Variants in RNF213 observed in about 807,000 individuals in gnomAD.
The protein encoded by RNF213 is E3 ubiquitin-protein ligase RNF213.
In RNF213, 341 loss-of-function variants were observed where a neutral mutation model predicts 514.4. The ratio of observed to expected loss-of-function variants is 0.66; its 90% CI spans 0.61 to 0.73. The LOEUF (loss-of-function observed/expected upper bound fraction) is 0.73, where lower values mean the gene tolerates loss of function less well. RNF213 is among the 30% of genes least tolerant of loss of function. The probability of loss-of-function intolerance (pLI) is 0.00; values close to 1 mark genes in which losing one functional copy is unlikely to be tolerated. For synonymous variants in RNF213, 2,655 were observed against 2,658.2 expected (o/e 1.00, Z 0.04); for missense variants, 5,767 against 6,615.6 (o/e 0.87, Z 4.45).
chr17:80,346,138 G>C lies in RNF213; in HGVS notation c.7803G>C (p.Leu2601=), dbSNP rs1455551728. 6.2e-7 allele frequency: 1 copy of C among 1,614,160 alleles called. No individual in the cohort carries two copies. The highest frequency in any genetic ancestry group is 8.5e-7 in the Non-Finnish European group (1 of 1,180,042). ...KLYIQQIVQR[L]VESISLDENG... is the part of the protein sequence containing the mutation. ...ACATCCAGCAGATTGTCCAGAGACT[G>C]GTTGAGTCCATCAGCCTAGATGAAA... is the stretch of plus-strand genomic sequence containing the variant. The change falls in exon 29 of 68, where the codon CTG becomes CTC. Residue 2601 remains leucine, a synonymous_variant. Coordinates refer to ENST00000582970, the MANE Select transcript of RNF213 (RefSeq NM_001256071.3). This position sits in a 1 kb window ranked among gnomAD's most constrained non-coding sequence, Gnocchi z 8.1.
chr17:80,319,608 T>G, intron 17 of RNF213: 1 of 1,548,246 alleles, frequency 6.5e-7, no homozygotes, highest in Non-Finnish European at 8.7e-7. Flanking sequence ...GTTCCTCAGA[T>G]GGCCCTGTCA....
chr17:80,347,765 C>A lies in RNF213; in HGVS notation c.9430C>A (p.Pro3144Thr). The A allele has an allele frequency of 6.2e-7, 1 of 1,614,170 alleles. No individual in the cohort carries two copies. The highest frequency in any genetic ancestry group is 8.5e-7 in the Non-Finnish European group (1 of 1,180,038). Residue 3144 changes from proline to threonine, a missense_variant, in exon 29 of 68, where the codon CCC becomes ACC. Around this residue, in one of 13 missense-constraint regions of RNF213, gnomAD observed 919 missense variants for 1,121.0 expected, o/e 0.82. Coordinates refer to ENST00000582970, the MANE Select transcript of RNF213 (RefSeq NM_001256071.3). This position sits in a 1 kb window ranked among gnomAD's most constrained non-coding sequence, Gnocchi z 7.2. The part of the protein sequence containing the change: ...GTHRVKCRVH[P>T]NFRLIVIEEK... ...CCACCGCGTCAAATGTCGGGTTCACCCCAACTTCCGCCTGATTGTCATTGA... is the reference window on the plus strand; with the variant it reads ...CCACCGCGTCAAATGTCGGGTTCACACCAACTTCCGCCTGATTGTCATTGA...
chr17:80,325,763 CGT>C (rs1330393386), intron 18 of RNF213, among the ~76,000 whole-genome samples: 5 of 151,710 alleles, frequency 3.3e-5, no homozygotes, highest in Non-Finnish European at 5.9e-5. Flanking sequence ...GTCCAGTTGG[CGT>C]GTGAGACCTT....
At chr17:80,285,005 C>T (rs2044422492) in intron 3 of RNF213, among the ~76,000 whole-genome samples, 1 of 152,212 alleles carries the variant, frequency 6.6e-6, no homozygotes, top group Admixed American at 6.5e-5. Flanking sequence ...GTTACTCAAA[C>T]CATGCAGCCG....
At position 80,275,672 on chromosome 17, in the gene RNF213, T is replaced by G. The variant is rs377581990; in HGVS notation, c.261+2268T>G. Among the ~76,000 whole-genome samples the G allele has an allele frequency of 2.0e-5, 3 of 151,942 alleles. 1 individual carries two copies. The highest frequency in any genetic ancestry group is 7.2e-5 in the African/African-American group (3 of 41,444). On this transcript the variant is annotated intron_variant, in intron 3 of 67. Coordinates refer to ENST00000582970, the MANE Select transcript of RNF213 (RefSeq NM_001256071.3). ...TTATTTTTTCTTTATTTTATTTTATTTTTTTTTGAGATGGAGTCTCACTCC... is the reference window on the plus strand; with the variant it reads ...TTATTTTTTCTTTATTTTATTTTATGTTTTTTTGAGATGGAGTCTCACTCC...
In RNF213 at chr17:80,263,521, G is replaced by A; in HGVS notation, c.-108-53G>A. Reference sequence around the variant, plus strand: ...GCTGGGCTTGGGCTGTGCTCCTGTTGGGTTTCCATTAACCAGGGGACCAGC... The same window carrying A: ...GCTGGGCTTGGGCTGTGCTCCTGTTAGGTTTCCATTAACCAGGGGACCAGC... On this transcript the variant is annotated intron_variant, in intron 1 of 67. Coordinates refer to ENST00000582970, the MANE Select transcript of RNF213 (RefSeq NM_001256071.3). The surrounding 1 kb of genome is among the most constrained non-coding windows in gnomAD (Gnocchi z 4.9). The A allele has an allele frequency of 1.5e-6, 1 of 682,812 alleles. No individual in the cohort carries two copies. Among genetic ancestry groups the A allele is most frequent in the Admixed American group, 2.1e-5 (1 of 47,770 alleles). The allele number at this position is 682,812 out of a possible 1,614,324, so 42.3% of individuals were successfully genotyped here. A position where few individuals can be genotyped will look rare whatever the true frequency, so the allele number is the denominator to read the frequency against.
chr17:80,269,938 C>T (rs1283686170), intron 2 of RNF213, among the ~76,000 whole-genome samples: 1 of 152,224 alleles, frequency 6.6e-6, no homozygotes, highest in Non-Finnish European at 1.5e-5. Context: ...CAGCTACTTA[C>T]TTTTATGACA....
At chr17:80,385,859 T>G (rs1047813529) in intron 61 of RNF213, among the ~76,000 whole-genome samples, 3 of 151,968 alleles carry the variant, frequency 2.0e-5, no homozygotes, top group African/African-American at 7.3e-5. Flanking sequence ...AGAGACAGGG[T>G]TTCACCATGT....
At position 80,315,234 on chromosome 17, in the gene RNF213, C is replaced by A. The variant is rs374751421; in HGVS notation, c.2812-1954C>A. Among the ~76,000 whole-genome samples, 21 of 17,290 alleles carry A rather than the reference C, an allele frequency of 1.2e-3. 2 individuals are homozygous for A. Among genetic ancestry groups the A allele is most frequent in the African/African-American group, 9.5e-3 (15 of 1,572 alleles). 11.3% of individuals were successfully genotyped at this position (17,290 alleles called of 152,430 possible). ...GATGGTGGTGGTGGTGGTGGAGGTA[C>A]TGGAGGTGATGGTGGTGGACGTGAT... On this transcript the variant is annotated intron_variant, in intron 15 of 67. Coordinates refer to ENST00000582970, the MANE Select transcript of RNF213 (RefSeq NM_001256071.3).
chr17:80,294,991 C>T lies in RNF213; in HGVS notation c.1743C>T (p.Tyr581=). The T allele has an allele frequency of 6.2e-7, 1 of 1,614,188 alleles. No homozygotes were observed. Among genetic ancestry groups the T allele is most frequent in the East Asian group, 2.2e-5 (1 of 44,888 alleles). ...CACAGCTGTGGACCGATTTGCAGTA[C>T]AGGGAGAAAGAGGTATCAGGCTTGC... is the stretch of plus-strand genomic sequence containing the variant. ...GQAQLWTDLQ[Y]REKEVKRYLW... Residue 581 remains tyrosine (Y), a synonymous_variant, in exon 9 of 68, where the codon TAC becomes TAT. Transcript: ENST00000582970.
rs373491433 is a variant in RNF213, at chr17:80,311,737, G to A, written c.2656-1275G>A. On this transcript the variant is annotated intron_variant, in intron 14 of 67. Transcript: ENST00000582970. ...TCCTCTTGCCCAGCTGCCTCGAGGC[G>A]TGGGCCTCTCGGTGCTTCCAGTGAG... Among the ~76,000 whole-genome samples, 19 of 152,294 alleles carry A rather than the reference G, an allele frequency of 1.2e-4. No homozygotes were observed. In the East Asian group the frequency reaches 1.7e-3, roughly 14 times the overall value.
At position 80,332,508 on chromosome 17, in the gene RNF213, C is replaced by T. The variant is rs9908287; in HGVS notation, c.4020C>T (p.Val1340=). The stretch of plus-strand genomic sequence containing the variant: ...AAAGAGATTGGATCAAGGACCGAGT[C>T]GAACAGATCAAGGAATACCATCACC... ...QDQRDWIKDR[V]EQIKEYHHLH... is the part of the protein sequence containing the mutation. Residue 1340 remains valine (V), a synonymous_variant, in exon 21 of 68, where the codon GTC becomes GTT. Transcript: ENST00000582970. 3.9e-6 allele frequency: 6 copies of T among 1,536,950 alleles called. No homozygotes were observed. The highest frequency in any genetic ancestry group is 2.7e-5 in the African/African-American group (2 of 72,974).
chr17:80,364,640 A>G (rs1599140517), intron 42 of RNF213, 87 bp downstream of exon 42: 3 of 1,558,516 alleles, frequency 1.9e-6, no homozygotes, highest in Non-Finnish European at 2.6e-6. Flanking sequence ...TGCGGCTGGG[A>G]GACGCTCTTT....
chr17:80,353,549 G>A lies in RNF213; in HGVS notation c.10461G>A (p.Glu3487=). The change falls in exon 34 of 68, where the codon GAG becomes GAA. Residue 3487 remains glutamate, a synonymous_variant. Transcript: ENST00000582970. This position sits in a 1 kb window ranked among gnomAD's most constrained non-coding sequence, Gnocchi z 5.0. ...LEHRAEDGHE[E]AMETEASTSG... is the part of the protein sequence containing the mutation. ...ACCGGGCGGAAGACGGCCATGAGGA[G>A]GCGATGGAGACGGAGGCCAGCACAT... is the stretch of plus-strand genomic sequence containing the variant. The A allele has an allele frequency of 1.2e-6, 2 of 1,613,796 alleles. No individual in the cohort carries two copies. Among genetic ancestry groups the A allele is most frequent in the South Asian group, 1.1e-5 (1 of 91,018 alleles).
rs1257041922 is a variant in RNF213, at chr17:80,389,796, G to GC, written c.15196-27dup. 1.9e-6 allele frequency: 3 copies of GC among 1,576,530 alleles called. No individual in the cohort carries two copies. The South Asian group carries it at 3.3e-5, about 17-fold the overall frequency. On this transcript the variant is annotated intron_variant, in intron 65 of 67. Transcript: ENST00000582970. ...ACATGAGTGGGGGTGTGAGACCTCA[G>GC]CCCCCACTCAGGAATTCTATTCCTT...
At chr17:80,262,827 C>T (rs1217517063) in intron 1 of RNF213, among the ~76,000 whole-genome samples, 1 of 152,156 alleles carries the variant, frequency 6.6e-6, no homozygotes, top group African/African-American at 2.4e-5. Context: ...AGGGCAGGGC[C>T]AGGGCAGGGA....
chr17:80,389,157 G>C lies in RNF213; in HGVS notation c.15001-16G>C, dbSNP rs1283023455. Reference sequence around the variant, plus strand: ...CCCAGCCCACAGACATCCCTCTCCTGCTTTTCATTTCCCAGGACTCCCTCC... The same window carrying C: ...CCCAGCCCACAGACATCCCTCTCCTCCTTTTCATTTCCCAGGACTCCCTCC... On this transcript the variant is annotated splice_polypyrimidine_tract_variant and intron_variant, in intron 64 of 67. Transcript: ENST00000582970. 2 of 1,613,384 alleles carry C rather than the reference G, an allele frequency of 1.2e-6. No homozygotes were observed. Among genetic ancestry groups the C allele is most frequent in the South Asian group, 2.2e-5 (2 of 91,070 alleles).
chr17:80,296,447 A>G (rs1410149592), intron 10 of RNF213, among the ~76,000 whole-genome samples: 1 of 152,202 alleles, frequency 6.6e-6, no homozygotes, highest in Non-Finnish European at 1.5e-5. Flanking sequence ...AGCAGCGTGA[A>G]TGTTCTCCCC....
At chr17:80,352,593 AC>A in intron 32 of RNF213, 1 of 569,228 alleles carries the variant, frequency 1.8e-6, no homozygotes. Context: ...TGGAAGGCAG[AC>A]CTTGCCAGTG....
Sources: allele counts gnomAD v4.1 joint callset (sites outside exome capture counted in the v4.1 genomes callset), GRCh38; gene constraint gnomAD v4.1.1; regional missense constraint gnomAD v4.1.1; non-coding constraint Gnocchi (gnomAD v3.1); transcripts MANE v1.5; gene names NCBI Gene and HGNC (gene_info 2026-07-23, HGNC 2026-07-21).